Variants in EDF1 observed in about 807,000 individuals in gnomAD.
EDF1 encodes the protein endothelial differentiation related factor 1.
A neutral mutation model predicts 20.8 loss-of-function variants in EDF1; 5 were observed. The ratio of observed to expected loss-of-function variants is 0.24; its 90% CI spans 0.13 to 0.51. The LOEUF is 0.51. EDF1 is among the 20% of genes least tolerant of loss of function. The pLI, the probability that EDF1 is intolerant of heterozygous loss-of-function variation, is 0.97. For synonymous variants in EDF1, 96 were observed against 78.5 expected (o/e 1.22, Z -1.18); for missense variants, 137 against 197.8 (o/e 0.69, Z 1.84).
rs113130691 is a variant in EDF1, at chr9:136,863,703, C to T, written c.130+117G>A. 84 of 1,334,852 alleles carry T rather than the reference C, an allele frequency of 6.3e-5. No individual in the cohort carries two copies. The highest frequency in any genetic ancestry group is 2.5e-4 in the African/African-American group (17 of 69,170). The allele number at this position is 1,334,852 out of a possible 1,614,324, so 82.7% of individuals were successfully genotyped here. A position where few individuals can be genotyped will look rare whatever the true frequency, so the allele number is the denominator to read the frequency against. ...TGCCTCCCAGGGCTCCGGCCAGCAC[C>T]GGTGCAGGCAGGCACTCAGCTGACA... On this transcript the variant is annotated intron_variant, in intron 2 of 4. Coordinates refer to ENST00000224073, the MANE Select transcript of EDF1 (RefSeq NM_003792.4). This position sits in a 1 kb window ranked among gnomAD's most constrained non-coding sequence, Gnocchi z 4.5.
Position 136,866,208 on chromosome 9 carries a change from A to G in EDF1, c.51T>C (p.Pro17=). Residue 17 remains proline, a synonymous_variant, in exon 1 of 5, where the codon CCT becomes CCC. Coordinates refer to ENST00000224073, the MANE Select transcript of EDF1 (RefSeq NM_003792.4). ...GCTTGGATTTGGCCTGGGCGGCCGT[A>G]GGGCCCTTCTTGCGCAGCACCGTCA... ...DTVTVLRKKG[P]TAAQAKSKQA... The G allele has an allele frequency of 6.2e-7, 1 of 1,601,708 alleles. No homozygotes were observed. Among genetic ancestry groups the G allele is most frequent in the Non-Finnish European group, 8.5e-7 (1 of 1,175,960 alleles).
Position 136,863,935 on chromosome 9 carries a change from T to C in EDF1, c.79-64A>G. 1 of 1,568,180 alleles carries C rather than the reference T, an allele frequency of 6.4e-7. No individual in the cohort carries two copies. The highest frequency in any genetic ancestry group is 8.8e-7 in the Non-Finnish European group (1 of 1,142,020). ...TTGACAGTATCCAGCACACACCAAT[T>C]CAGGCCTGCTGTTAGCCAGTTAGCA... On this transcript the variant is annotated intron_variant, in intron 1 of 4. Transcript: ENST00000224073. This position sits in a 1 kb window ranked among gnomAD's most constrained non-coding sequence, Gnocchi z 4.5.
chr9:136,865,302 C>G (rs1053610290), intron 1 of EDF1, among the ~76,000 whole-genome samples: 23 of 152,108 alleles, frequency 1.5e-4, no homozygotes, highest in African/African-American at 5.1e-4. Context: ...GCACGCCCAT[C>G]TTCCACCTGT....
rs558991374 is a variant in EDF1 at position 136,863,992 on chromosome 9, G to A, written c.79-121C>T. 52 of 1,004,174 alleles carry A rather than the reference G, an allele frequency of 5.2e-5. No individual in the cohort carries two copies. In the South Asian group the frequency reaches 6.9e-4, roughly 13 times the overall value. 62.2% of individuals were successfully genotyped at this position (1,004,174 alleles called of 1,614,324 possible). ...TAAGGACTAGTGGTGCCCAAGGACT[G>A]ATATGCAGTCCTGGGTTCAGTTACC... is the stretch of plus-strand genomic sequence containing the variant. On this transcript the variant is annotated intron_variant, in intron 1 of 4. Coordinates refer to ENST00000224073, the MANE Select transcript of EDF1 (RefSeq NM_003792.4). The surrounding 1 kb of genome is among the most constrained non-coding windows in gnomAD (Gnocchi z 4.5).
At chr9:136,865,496 C>A (rs1849197933) in intron 1 of EDF1, among the ~76,000 whole-genome samples, 1 of 151,980 alleles carries the variant, frequency 6.6e-6, no homozygotes, top group Non-Finnish European at 1.5e-5. Flanking sequence ...CCACTCAGGT[C>A]ACTAACCTCT....
chr9:136,864,003 C>T, intron 1 of EDF1, 132 bp from the exon 2 acceptor site: 4 of 914,528 alleles, frequency 4.4e-6, no homozygotes, highest in Non-Finnish European at 6.7e-6. Flanking sequence ...ATATGCAGTC[C>T]TGGGTTCAGT....
chr9:136,864,091 G>A (rs1352795177), intron 1 of EDF1, among the ~76,000 whole-genome samples: 2 of 152,042 alleles, frequency 1.3e-5, no homozygotes, highest in African/African-American at 2.4e-5. Context: ...AGGATCACTT[G>A]AGGCCACGAG....
Position 136,862,659 on chromosome 9 carries a change from A to C in EDF1, c.385+247T>G, listed in dbSNP as rs902579468. 5.6e-5 allele frequency: 83 copies of C among 1,492,790 alleles called. No homozygotes were observed. The highest frequency in any genetic ancestry group is 2.4e-4 in the Admixed American group (11 of 45,704). The allele number at this position is 1,492,790 out of a possible 1,614,324, so 92.5% of individuals were successfully genotyped here. ...GGCTCAGAGAACCATCGCCAACAGC[A>C]CAGGCTGACGGGAACTGGCAAGGGG... On this transcript the variant is annotated intron_variant, in intron 4 of 4. Transcript: ENST00000224073. This position sits in a 1 kb window ranked among gnomAD's most constrained non-coding sequence, Gnocchi z 4.1.
At chr9:136,865,762 G>A (rs537994059) in intron 1 of EDF1, among the ~76,000 whole-genome samples, 67 of 126,334 alleles carry the variant, frequency 5.3e-4, no homozygotes, top group African/African-American at 2.0e-3. Context: ...CCTTGTCCCC[G>A]TCCCCGTCCC....
In EDF1 at chr9:136,866,293, G is replaced by C. The variant is rs1405335744; in HGVS notation, c.-35C>G. On this transcript the variant is annotated 5_prime_UTR_variant, in exon 1 of 5. Transcript: ENST00000224073. ...AGACGAGCGTCCGTCCGGCGGCTCA[G>C]CGGCAGCTGCTAGAGACCTGGCGCG... 6.3e-7 allele frequency: 1 copy of C among 1,589,180 alleles called. No homozygotes were observed. Among genetic ancestry groups the C allele is most frequent in the Non-Finnish European group, 8.5e-7 (1 of 1,172,392 alleles).
chr9:136,862,547 A>T lies in EDF1; in HGVS notation c.386-202T>A. On this transcript the variant is annotated intron_variant, in intron 4 of 4. Coordinates refer to ENST00000224073, the MANE Select transcript of EDF1 (RefSeq NM_003792.4). This position sits in a 1 kb window ranked among gnomAD's most constrained non-coding sequence, Gnocchi z 4.1. Reference sequence around the variant, plus strand: ...TCACCTTAGACAGCAGAGCATGAACACCCCTCTCCGGAAGAACCGGAGCCG... The same window carrying T: ...TCACCTTAGACAGCAGAGCATGAACTCCCCTCTCCGGAAGAACCGGAGCCG... The T allele has an allele frequency of 6.3e-7, 1 of 1,595,146 alleles. No individual in the cohort carries two copies. Among genetic ancestry groups the T allele is most frequent in the South Asian group, 1.1e-5 (1 of 89,914 alleles).
chr9:136,864,001 T>C, intron 1 of EDF1, 130 bp from the exon 2 acceptor site: 2 of 930,356 alleles, frequency 2.1e-6, no homozygotes, highest in Non-Finnish European at 3.3e-6. Context: ...TGATATGCAG[T>C]CCTGGGTTCA....
Position 136,863,854 on chromosome 9 carries a change from C to T in EDF1, c.96G>A (p.Gln32=), listed in dbSNP as rs778712886. 45 of 1,613,852 alleles carry T rather than the reference C, an allele frequency of 2.8e-5. No individual in the cohort carries two copies. The highest frequency in any genetic ancestry group is 3.4e-5 in the Non-Finnish European group (40 of 1,180,006). ...AAGTCTCCACATCTTCTCCTCGTCT[C>T]TGTGCCGCTAAGATAGCCTAGAAAA... is the stretch of plus-strand genomic sequence containing the variant. The part of the protein sequence containing the change: ...AKSKQAILAA[Q]RRGEDVETSK... Residue 32 remains glutamine (Q), a synonymous_variant, in exon 2 of 5, where the codon CAG becomes CAA. Transcript: ENST00000224073. This position sits in a 1 kb window ranked among gnomAD's most constrained non-coding sequence, Gnocchi z 4.5.
In EDF1 at chr9:136,863,395, C is replaced by A; in HGVS notation, c.184G>T (p.Asp62Tyr). 2 of 1,614,158 alleles carry A rather than the reference C, an allele frequency of 1.2e-6. No homozygotes were observed. The highest frequency in any genetic ancestry group is 1.7e-6 in the Non-Finnish European group (2 of 1,180,012). Residue 62 changes from aspartate (D) to tyrosine (Y), a missense_variant, in exon 3 of 5, where the codon GAC becomes TAC. By Grantham distance (160) the Asp-to-Tyr change is radical. Transcript: ENST00000224073. The surrounding 1 kb of genome is among the most constrained non-coding windows in gnomAD (Gnocchi z 4.5). ...TGGTGCAGCTCCTCTGTCTCCCGGT[C>A]CAGCTTGGCCGTGTTCTTGGTAATA... ...HSITKNTAKLDRETEELHHDR... is the reference protein window; with the variant it reads ...HSITKNTAKLYRETEELHHDR...
chr9:136,862,203 C>T lies in EDF1; in HGVS notation c.*81G>A, dbSNP rs780940314. The T allele has an allele frequency of 9.6e-5, 151 of 1,580,088 alleles. No individual in the cohort carries two copies. Among genetic ancestry groups the T allele is most frequent in the Admixed American group, 1.8e-4 (11 of 59,656 alleles). On this transcript the variant is annotated 3_prime_UTR_variant, in exon 5 of 5. Coordinates refer to ENST00000224073, the MANE Select transcript of EDF1 (RefSeq NM_003792.4). This position sits in a 1 kb window ranked among gnomAD's most constrained non-coding sequence, Gnocchi z 4.1. ...GCTGGACCCCTTGTTCCGTTCGGCC[C>T]GTGAGGAGAACGGAACTGGCGGCCA... is the stretch of plus-strand genomic sequence containing the variant.
Position 136,866,183 on chromosome 9 carries a change from G to C in EDF1, c.76C>G (p.Gln26Glu). 8.1e-6 allele frequency: 13 copies of C among 1,598,636 alleles called. No homozygotes were observed. Among genetic ancestry groups the C allele is most frequent in the Non-Finnish European group, 1.0e-5 (12 of 1,174,710 alleles). The change falls in exon 1 of 5, where the codon CAG becomes GAG. Residue 26 changes from glutamine (Q) to glutamate (E), a missense_variant and splice_region_variant. Coordinates refer to ENST00000224073, the MANE Select transcript of EDF1 (RefSeq NM_003792.4). ...GPTAAQAKSK[Q>E]AILAAQRRGE... is the part of the protein sequence containing the mutation. ...CCGCTCCTCAGTCAGCAAAGCACCT[G>C]CTTGGATTTGGCCTGGGCGGCCGTA...
In EDF1 at chr9:136,863,630, G is replaced by C. The variant is rs1304941016; in HGVS notation, c.131-182C>G. On this transcript the variant is annotated intron_variant, in intron 2 of 4. Transcript: ENST00000224073. The surrounding 1 kb of genome is among the most constrained non-coding windows in gnomAD (Gnocchi z 4.5). Reference sequence around the variant, plus strand: ...TCCAGAGTTTTCTCTCAGTTATGAGGACAGGCAGCTGTACTCATGCCAACC... The same window carrying C: ...TCCAGAGTTTTCTCTCAGTTATGAGCACAGGCAGCTGTACTCATGCCAACC... 6.6e-6 allele frequency among the ~76,000 whole-genome samples: 1 copy of C among 152,132 alleles called. No individual in the cohort carries two copies. The highest frequency in any genetic ancestry group is 2.4e-5 in the African/African-American group (1 of 41,414).
chr9:136,862,136 T>C lies in EDF1; in HGVS notation c.*148A>G. On this transcript the variant is annotated 3_prime_UTR_variant, in exon 5 of 5. Transcript: ENST00000224073. The surrounding 1 kb of genome is among the most constrained non-coding windows in gnomAD (Gnocchi z 4.1). ...GAACCCAGCGCTTTGCAAGGTTTTG[T>C]TTGTTTGACAGCAGGAATGGGCTGG... The C allele has an allele frequency of 9.7e-7, 1 of 1,026,954 alleles. No individual in the cohort carries two copies. Among genetic ancestry groups the C allele is most frequent in the Non-Finnish European group, 1.5e-6 (1 of 674,556 alleles). 63.6% of individuals were successfully genotyped at this position (1,026,954 alleles called of 1,614,324 possible). A position where few individuals can be genotyped will look rare whatever the true frequency, so the allele number is the denominator to read the frequency against.
chr9:136,863,479 G>A lies in EDF1; in HGVS notation c.131-31C>T, dbSNP rs1246470715. The stretch of plus-strand genomic sequence containing the variant: ...GTCGGTGTGAGGCAAAAGCAGAGGA[G>A]AGGATTTGGAATTAACCTGAAGAAA... On this transcript the variant is annotated intron_variant, in intron 2 of 4. Transcript: ENST00000224073. This position sits in a 1 kb window ranked among gnomAD's most constrained non-coding sequence, Gnocchi z 4.5. 1 of 1,600,770 alleles carries A rather than the reference G, an allele frequency of 6.2e-7. No homozygotes were observed. Among genetic ancestry groups the A allele is most frequent in the Non-Finnish European group, 8.5e-7 (1 of 1,170,840 alleles).
Sources: gnomAD v4.1 joint callset for allele counts (sites outside exome capture counted in the v4.1 genomes callset) on GRCh38, gnomAD v4.1.1 for gene constraint, Gnocchi (gnomAD v3.1) non-coding constraint, MANE v1.5 for transcripts, NCBI Gene and HGNC (gene_info 2026-07-23, HGNC 2026-07-21) for gene names.